The following DOP1A variants were observed in gnomAD, a reference collection of about 807,000 sequenced individuals.
DOP1A encodes the protein protein DOP1A.
DOP1A carries 90 observed loss-of-function variants against 267.6 expected under a neutral mutation model. That is an observed-to-expected ratio of 0.34 (90% CI 0.28 to 0.40). DOP1A has a LOEUF of 0.40. DOP1A is among the 10% of genes least tolerant of loss of function. The probability of loss-of-function intolerance (pLI) is 1.00; values close to 1 mark genes in which losing one functional copy is unlikely to be tolerated. For synonymous variants in DOP1A, 932 were observed against 999.1 expected (o/e 0.93, Z 1.27); for missense variants, 2,437 against 2,900.4 (o/e 0.84, Z 3.67).
chr6:83,072,328 A>C (rs1785762313), intron 1 of DOP1A, among the ~76,000 whole-genome samples: 1 of 152,112 alleles, frequency 6.6e-6, no homozygotes, highest in Admixed American at 6.6e-5. Context: ...AAAAAAATTA[A>C]CCTGAGTGGT....
chr6:83,109,671 G>A (rs572796879), intron 5 of DOP1A, among the ~76,000 whole-genome samples: 110 of 152,216 alleles, frequency 7.2e-4, no homozygotes, highest in African/African-American at 2.6e-3. Flanking sequence ...GATCTGTTTG[G>A]ACCCTATTAT....
chr6:83,138,102 T>C lies in DOP1A; in HGVS notation c.4060T>C (p.Ser1354Pro). Residue 1354 changes from serine (S) to proline (P), a missense_variant, in exon 21 of 39, where the codon TCT becomes CCT. This residue lies in a region of DOP1A where 878 missense variants were observed against 992.9 expected (regional missense o/e 0.88). Transcript: ENST00000349129. ...EIESDMGSPG[S>P]RKSPNFNIHP... ...TGAGAGTGACATGGGTTCTCCAGGA[T>C]CTCGAAAATCTCCCAATTTCAACAT... 1 of 1,613,846 alleles carries C rather than the reference T, an allele frequency of 6.2e-7. No homozygotes were observed. Among genetic ancestry groups the C allele is most frequent in the Non-Finnish European group, 8.5e-7 (1 of 1,179,876 alleles).
chr6:83,109,163 C>T, intron 5 of DOP1A, 83 bp downstream of exon 5: 5 of 1,249,564 alleles, frequency 4.0e-6, no homozygotes, highest in Non-Finnish European at 5.6e-6. Context: ...GTTTTAACAT[C>T]ACAAATGAAT....
At chr6:83,113,277 G>T in intron 6 of DOP1A, 46 bp from the exon 7 acceptor site, 3 of 1,480,466 alleles carry the variant, frequency 2.0e-6, no homozygotes, top group Middle Eastern at 1.8e-4. Context: ...TGGCAAAAAT[G>T]TCTCAGCATA....
chr6:83,069,427 TG>T (rs1185375666), intron 1 of DOP1A, among the ~76,000 whole-genome samples: 2 of 152,210 alleles, frequency 1.3e-5, no homozygotes, highest in Non-Finnish European at 2.9e-5. Context: ...CAAATTTACC[TG>T]ATCTATTTTC....
At chr6:83,169,540 T>C (rs1302490376), downstream of DOP1A, 1 of 559,512 alleles carries the variant, frequency 1.8e-6, no homozygotes, top group Non-Finnish European at 3.2e-6. Context: ...ATAAGGTAAG[T>C]TTTTAATCAA....
rs764882541 is a variant in DOP1A, at chr6:83,129,042, G to A, written c.1875G>A (p.Gly625=). The change falls in exon 16 of 39, where the codon GGG becomes GGA. Residue 625 remains glycine, a synonymous_variant. Transcript: ENST00000349129. ...DIDRELSEGQ[G]AAAIPIGSTS... Reference sequence around the variant, plus strand: ...ACAGAGAACTGAGTGAGGGCCAGGGGGCAGCTGCCATCCCAATTGGTAGCA... The same window carrying A: ...ACAGAGAACTGAGTGAGGGCCAGGGAGCAGCTGCCATCCCAATTGGTAGCA... 8 of 1,613,824 alleles carry A rather than the reference G, an allele frequency of 5.0e-6. No individual in the cohort carries two copies. In the East Asian group the frequency reaches 1.6e-4, roughly 31 times the overall value.
At chr6:83,134,468 A>C (rs1484179855) in intron 19 of DOP1A, 181 bp downstream of exon 19, 69 of 499,478 alleles carry the variant, frequency 1.4e-4, no homozygotes, top group Non-Finnish European at 3.4e-6. Flanking sequence ...CTCATCCACC[A>C]GGTTTTTACT....
chr6:83,101,164 C>T (rs78396289), intron 4 of DOP1A, among the ~76,000 whole-genome samples: 12 of 152,022 alleles, frequency 7.9e-5, no homozygotes, highest in Non-Finnish European at 1.3e-4. Context: ...TACAGGCGCC[C>T]GCCACCACGC....
chr6:83,118,863 A>G, intron 7 of DOP1A, 25 bp from the exon 8 acceptor site: 1 of 1,604,516 alleles, frequency 6.2e-7, no homozygotes, highest in South Asian at 1.1e-5. Flanking sequence ...ATTGCTAAGT[A>G]CAACCATATT....
chr6:83,128,826 C>A (rs1777592381), intron 15 of DOP1A, 61 bp from the exon 16 acceptor site: 1 of 1,495,336 alleles, frequency 6.7e-7, no homozygotes, highest in South Asian at 1.4e-5. Context: ...GTGGTCATTT[C>A]TAATTCCTAA....
chr6:83,111,898 A>AT lies in DOP1A; in HGVS notation c.682-1417dup, dbSNP rs530609744. On this transcript the variant is annotated intron_variant, in intron 6 of 38. Transcript: ENST00000349129. ...ATCAAATCCAGTTCATCCGGACTTG[A>AT]TTTTTTTTCTCTTGCTGCTTGTGCT... 2.1e-3 allele frequency among the ~76,000 whole-genome samples: 318 copies of AT among 151,834 alleles called. 1 individual carries two copies. The highest frequency in any genetic ancestry group is 3.9e-3 in the Non-Finnish European group (263 of 67,900).
chr6:83,142,526 GATAAAA>G (rs1347426975), intron 24 of DOP1A, among the ~76,000 whole-genome samples: 4 of 151,342 alleles, frequency 2.6e-5, no homozygotes, highest in Admixed American at 1.3e-4. Flanking sequence ...AATAAATAAA[GATAAAA>G]ATAAAATAAA....
chr6:83,108,784 T>TA, intron 4 of DOP1A, 126 bp from the exon 5 acceptor site: 1 of 845,526 alleles, frequency 1.2e-6, no homozygotes. Context: ...CATATACAGG[T>TA]ATCATTTTTA....
intron 21 of DOP1A, 133 bp downstream of exon 21, chr6:83,139,295 T>C (rs1009313220): frequency 6.1e-6 from 4 of 650,824 alleles, no homozygotes; most frequent in Non-Finnish European, 7.5e-6. Flanking sequence ...TGTATTACTT[T>C]CCACAAAAAA....
chr6:83,131,728 C>T (rs963563783), intron 17 of DOP1A, among the ~76,000 whole-genome samples: 7 of 151,968 alleles, frequency 4.6e-5, no homozygotes, highest in East Asian at 1.9e-4. Flanking sequence ...TTGCGCTTTT[C>T]GGGTTCAAGC....
intron 9 of DOP1A, 102 bp downstream of exon 9, chr6:83,119,959 G>A: frequency 1.2e-6 from 1 of 846,596 alleles, no homozygotes; most frequent in Non-Finnish European, 1.8e-6. Context: ...CAGTTGAAGG[G>A]GTGGAGACAA....
At chr6:83,101,614 A>G (rs1772597898) in intron 4 of DOP1A, among the ~76,000 whole-genome samples, 1 of 152,106 alleles carries the variant, frequency 6.6e-6, no homozygotes, top group Admixed American at 6.5e-5. Context: ...AGTCTCCTTT[A>G]CAAGTCTTTC....
intron 7 of DOP1A, among the ~76,000 whole-genome samples, chr6:83,118,187 C>G (rs1051308880): frequency 6.6e-6 from 1 of 152,122 alleles, no homozygotes; most frequent in Non-Finnish European, 1.5e-5. Flanking sequence ...AAGTGATTAT[C>G]TGGCAGTATT....
Sources: allele counts gnomAD v4.1 joint callset (sites outside exome capture counted in the v4.1 genomes callset), GRCh38; gene constraint gnomAD v4.1.1; regional missense constraint gnomAD v4.1.1; transcripts MANE v1.5; gene names NCBI Gene and HGNC (gene_info 2026-07-23, HGNC 2026-07-21).